The following PLCH2 variants were observed in gnomAD, a reference collection of about 807,000 sequenced individuals.
PLCH2 encodes the protein phospholipase C eta 2, also known as 1-phosphatidylinositol 4,5-bisphosphate phosphodiesterase eta-2.
In PLCH2, 98 loss-of-function variants were observed where a neutral mutation model predicts 134.7. The ratio of observed to expected loss-of-function variants is 0.73; its 90% CI spans 0.62 to 0.86. The LOEUF (loss-of-function observed/expected upper bound fraction) is 0.86, where lower values mean the gene tolerates loss of function less well. PLCH2 is among the 40% of genes least tolerant of loss of function. PLCH2 has a pLI of 0.00. For synonymous variants in PLCH2, 974 were observed against 827.5 expected, an observed-to-expected ratio of 1.18 and a Z score of -3.04; for missense variants, 1,994 against 1,986.6, an observed-to-expected ratio of 1.00 and a Z score of -0.07.
At position 2,487,241 on chromosome 1, in the gene PLCH2, G is replaced by A. The variant is rs1236171928; in HGVS notation, c.979G>A (p.Asp327Asn). 6.2e-7 allele frequency: 1 copy of A among 1,609,342 alleles called. No individual in the cohort carries two copies. The highest frequency in any genetic ancestry group is 8.5e-7 in the Non-Finnish European group (1 of 1,178,046). Residue 327 changes from aspartate (D) to asparagine (N), a missense_variant, in exon 7 of 22, where the codon GAC becomes AAC. Asp to Asn is a conservative substitution (Grantham distance 23, BLOSUM62 1). This residue lies in a region of PLCH2 where 1,094 missense variants were observed against 1,234.3 expected (regional missense o/e 0.89). Transcript: ENST00000378486. Reference sequence around the variant, plus strand: ...CCCTGAGCACCACCATGTGCACCAGGACATGACGCAGCCGCTGAGCCACTA... The same window carrying A: ...CCCTGAGCACCACCATGTGCACCAGAACATGACGCAGCCGCTGAGCCACTA... ...FNPEHHHVHQ[D>N]MTQPLSHYFI... is the part of the protein sequence containing the mutation.
chr1:2,451,052 G>A (rs1459135102), intron 2 of PLCH2, among the ~76,000 whole-genome samples: 1 of 152,018 alleles, frequency 6.6e-6, no homozygotes, highest in Non-Finnish European at 1.5e-5. Flanking sequence ...TGCCATAGGG[G>A]CTGTGGCTCG....
intron 2 of PLCH2, among the ~76,000 whole-genome samples, chr1:2,446,792 T>A (rs1639966380): frequency 6.6e-6 from 1 of 151,848 alleles, no homozygotes; most frequent in Non-Finnish European, 1.5e-5. Context: ...TGCAGAGGGG[T>A]CAGAGCCGGC....
chr1:2,476,352 T>G lies in PLCH2; in HGVS notation c.-237T>G. The G allele has an allele frequency of 7.0e-6, 3 of 427,182 alleles. No homozygotes were observed. Among genetic ancestry groups the G allele is most frequent in the East Asian group, 3.6e-5 (1 of 27,846 alleles). The allele number at this position is 427,182 out of a possible 1,614,324, so 26.5% of individuals were successfully genotyped here. A position where few individuals can be genotyped will look rare whatever the true frequency, so the allele number is the denominator to read the frequency against. ...GGGATTCCTTGGTGGCCCTGGAGGG[T>G]GGATAGGCTGGCCTGGGGGCCATCA... On this transcript the variant is annotated 5_prime_UTR_variant, in exon 1 of 22. Transcript: ENST00000378486.
intron 1 of PLCH2, among the ~76,000 whole-genome samples, chr1:2,426,241 T>C (rs1227778638): frequency 1.3e-5 from 2 of 152,178 alleles, no homozygotes; most frequent in African/African-American, 2.4e-5. Flanking sequence ...GCTTAGACCT[T>C]GCAGGCTCCT....
chr1:2,474,942 C>T (rs775533882), upstream of PLCH2, among the ~76,000 whole-genome samples: 21 of 152,206 alleles, frequency 1.4e-4, no homozygotes, highest in East Asian at 1.9e-4. Context: ...TGAGGACGCC[C>T]GGGACTCCAG....
intron 12 of PLCH2, 104 bp from the exon 13 acceptor site, chr1:2,495,384 C>T (rs1642826271): frequency 1.1e-5 from 10 of 925,704 alleles, no homozygotes; most frequent in Non-Finnish European, 1.6e-5. Flanking sequence ...GCTGCGTGGG[C>T]CGCTGGGGAC....
At chr1:2,442,229 C>T (rs762461751) in intron 2 of PLCH2, among the ~76,000 whole-genome samples, 2 of 152,180 alleles carry the variant, frequency 1.3e-5, no homozygotes, top group Non-Finnish European at 2.9e-5. Flanking sequence ...TAGACACCAG[C>T]AGGTCTATTC....
intron 20 of PLCH2, chr1:2,499,989 G>A: frequency 1.8e-6 from 1 of 568,570 alleles, no homozygotes; most frequent in Non-Finnish European, 3.2e-6. Context: ...GCCCCGCCCT[G>A]TGTCACCCAT....
Position 2,476,704 on chromosome 1 carries a change from GC to G in PLCH2, c.121del (p.Leu41TrpfsTer16). On this transcript the variant is annotated frameshift_variant, in exon 1 of 22. Coordinates refer to ENST00000378486, the MANE Select transcript of PLCH2 (RefSeq NM_014638.4). LOFTEE classifies it high-confidence loss of function. ...SVVLSSEWQL[G>X]PLVERCMGAM... The stretch of plus-strand genomic sequence containing the variant: ...GTGCTGTCTTCAGAGTGGCAGCTCG[GC>G]CCCCTGGGTAAGAAGGGGCAGGCGA... 2 of 1,606,686 alleles carry G rather than the reference GC, an allele frequency of 1.2e-6. No individual in the cohort carries two copies. The highest frequency in any genetic ancestry group is 8.5e-7 in the Non-Finnish European group (1 of 1,177,556).
chr1:2,498,785 T>A lies in PLCH2; in HGVS notation c.2391T>A (p.Pro797=). The A allele has an allele frequency of 6.2e-7, 1 of 1,611,470 alleles. No homozygotes were observed. The highest frequency in any genetic ancestry group is 8.5e-7 in the Non-Finnish European group (1 of 1,179,202). ...PFVEVEIIGL[P]VDCSREQTRV... is the part of the protein sequence containing the mutation. ...TGGAGGTGGAGATCATTGGGCTCCC[T>A]GTGGACTGCAGCAGGGAGCAGACCC... Residue 797 remains proline, a synonymous_variant, in exon 18 of 22, where the codon CCT becomes CCA. Coordinates refer to ENST00000378486, the MANE Select transcript of PLCH2 (RefSeq NM_014638.4). This position sits in a 1 kb window ranked among gnomAD's most constrained non-coding sequence, Gnocchi z 5.4.
intron 15 of PLCH2, among the ~76,000 whole-genome samples, chr1:2,497,235 G>C (rs1365542472): frequency 6.6e-6 from 1 of 152,260 alleles, no homozygotes; most frequent in Non-Finnish European, 1.5e-5. Context: ...GGATGTGGGA[G>C]CGATGGTGCA....
intron 13 of PLCH2, among the ~76,000 whole-genome samples, chr1:2,496,153 G>A (rs1473855365): frequency 6.6e-6 from 1 of 151,906 alleles, no homozygotes; most frequent in East Asian, 1.9e-4. Context: ...GCCCCCTCCT[G>A]TCTCATCCCG....
At chr1:2,477,318 C>T (rs554360045) in intron 1 of PLCH2, among the ~76,000 whole-genome samples, 44 of 152,284 alleles carry the variant, frequency 2.9e-4, no homozygotes, top group African/African-American at 9.6e-4. Context: ...GCCATACCTG[C>T]GTCTTCACCT....
chr1:2,462,840 C>T (rs1200320514), upstream of PLCH2, among the ~76,000 whole-genome samples: 1 of 152,292 alleles, frequency 6.6e-6, no homozygotes, highest in African/African-American at 2.4e-5. Context: ...CTCAGCCCAT[C>T]CTGGTGCCAA....
chr1:2,485,270 G>A (rs1033982464), intron 5 of PLCH2, among the ~76,000 whole-genome samples: 1 of 152,216 alleles, frequency 6.6e-6, no homozygotes, highest in African/African-American at 2.4e-5. Context: ...TCAGGGCTCT[G>A]GCCATCTTGT....
chr1:2,422,928 T>G (rs1638591232), upstream of PLCH2, among the ~76,000 whole-genome samples: 1 of 152,246 alleles, frequency 6.6e-6, no homozygotes, highest in African/African-American at 2.4e-5. Flanking sequence ...AATATTGGTT[T>G]ACTGAGTTAT....
At chr1:2,473,107 G>A (rs966248163), upstream of PLCH2, among the ~76,000 whole-genome samples, 3 of 152,196 alleles carry the variant, frequency 2.0e-5, no homozygotes, top group Middle Eastern at 3.4e-3. Flanking sequence ...AGCCAACACC[G>A]CCCTGGCTTC....
chr1:2,483,708 T>C (rs1323960528), intron 4 of PLCH2, among the ~76,000 whole-genome samples: 1 of 151,944 alleles, frequency 6.6e-6, no homozygotes, highest in Non-Finnish European at 1.5e-5. Flanking sequence ...TGTAGCACCT[T>C]GGGTTTCTGC....
At chr1:2,418,972 A>G in the PLCH2 span, among the ~76,000 whole-genome samples, 6 of 152,054 alleles carry the variant, frequency 3.9e-5, no homozygotes, top group South Asian at 1.2e-3. Context: ...CCACTCCCCT[A>G]CCCGAGAGAG....
Sources: gnomAD v4.1 joint callset for allele counts (sites outside exome capture counted in the v4.1 genomes callset) on GRCh38, gnomAD v4.1.1 for gene constraint, gnomAD v4.1.1 regional missense constraint, Gnocchi (gnomAD v3.1) non-coding constraint, MANE v1.5 for transcripts, NCBI Gene and HGNC (gene_info 2026-07-23, HGNC 2026-07-21) for gene names.